Variants in FAM169A observed in about 807,000 individuals in gnomAD.
The protein encoded by FAM169A is family with sequence similarity 169 member A, also known as soluble lamin-associated protein of 75 kDa.
FAM169A carries 24 observed loss-of-function variants against 75.7 expected under a neutral mutation model. The observed-to-expected ratio is 0.32, with a 90% CI of 0.23 to 0.45. FAM169A has a LOEUF of 0.45. Among genes scored for constraint, FAM169A ranks in the 20% least tolerant of loss-of-function variants. FAM169A has a pLI of 1.00. For synonymous variants in FAM169A, 271 were observed against 271.0 expected (o/e 1.00, Z 0.00); for missense variants, 673 against 784.0 (o/e 0.86, Z 1.69).
chr5:74,847,075 A>C (rs1749192941), intron 1 of FAM169A, among the ~76,000 whole-genome samples: 1 of 152,206 alleles, frequency 6.6e-6, no homozygotes, highest in African/African-American at 2.4e-5. Flanking sequence ...CAATTCACTT[A>C]AAATAACAAA....
At chr5:74,860,613 T>TCTACCCA (rs1276234976) in intron 1 of FAM169A, among the ~76,000 whole-genome samples, 3 of 152,072 alleles carry the variant, frequency 2.0e-5, no homozygotes, top group Admixed American at 6.5e-5. Context: ...TCTAGGCCAA[T>TCTACCCA]AATACAGATT....
intron 6 of FAM169A, among the ~76,000 whole-genome samples, chr5:74,808,621 T>G (rs1434411057): frequency 1.3e-5 from 2 of 152,168 alleles, no homozygotes; most frequent in African/African-American, 4.8e-5. Context: ...AATAAGGTAT[T>G]ATGTATAATT....
intron 1 of FAM169A, among the ~76,000 whole-genome samples, chr5:74,861,981 G>C (rs1267477009): frequency 2.6e-5 from 4 of 152,084 alleles, no homozygotes; most frequent in African/African-American, 9.7e-5. Flanking sequence ...ACAGAGCCCT[G>C]GTGCCCTGAC....
chr5:74,844,119 T>C (rs1432421487), intron 1 of FAM169A, among the ~76,000 whole-genome samples: 4 of 152,162 alleles, frequency 2.6e-5, no homozygotes, highest in African/African-American at 4.8e-5. Flanking sequence ...AAGAGACATG[T>C]CAATGCACTG....
At chr5:74,857,949 A>G (rs577142924) in intron 1 of FAM169A, among the ~76,000 whole-genome samples, 1 of 152,306 alleles carries the variant, frequency 6.6e-6, no homozygotes, top group East Asian at 1.9e-4. Flanking sequence ...AGTATTCTCC[A>G]AACAAAATTT....
chr5:74,821,375 T>G (rs559096469), intron 5 of FAM169A, among the ~76,000 whole-genome samples: 12 of 152,314 alleles, frequency 7.9e-5, no homozygotes, highest in African/African-American at 2.6e-4. Flanking sequence ...AGCAGCTGCT[T>G]CTTCTCATAG....
At chr5:74,819,322 C>T (rs1364830865) in intron 5 of FAM169A, among the ~76,000 whole-genome samples, 1 of 152,004 alleles carries the variant, frequency 6.6e-6, no homozygotes, top group African/African-American at 2.4e-5. Context: ...TCTTAGCCAC[C>T]AGGAAAATGC....
At chr5:74,784,684 C>T (rs917500664) in intron 11 of FAM169A, among the ~76,000 whole-genome samples, 11 of 147,162 alleles carry the variant, frequency 7.5e-5, no homozygotes, top group South Asian at 4.3e-4. Flanking sequence ...TTTGGGAGGC[C>T]GAGGCGGGCG....
At chr5:74,856,181 A>T (rs1383708372) in intron 1 of FAM169A, among the ~76,000 whole-genome samples, 1 of 152,126 alleles carries the variant, frequency 6.6e-6, no homozygotes, top group Non-Finnish European at 1.5e-5. Context: ...TTTGATTATT[A>T]CAGCTCTGTA....
intron 5 of FAM169A, among the ~76,000 whole-genome samples, chr5:74,828,582 T>C (rs1031044963): frequency 6.6e-6 from 1 of 152,190 alleles, no homozygotes; most frequent in Non-Finnish European, 1.5e-5. Flanking sequence ...GAAGGAACTT[T>C]CAGCCAATCC....
chr5:74,782,096 C>A (rs1745441675), intron 12 of FAM169A, 88 bp from the exon 13 acceptor site: 3 of 1,010,546 alleles, frequency 3.0e-6, no homozygotes, highest in Non-Finnish European at 4.3e-6. Flanking sequence ...TGACACTGAA[C>A]TAGAATTTAA....
Position 74,841,604 on chromosome 5 carries a change from A to C in FAM169A, c.73T>G (p.Ser25Ala), listed in dbSNP as rs756728145. ...ELENSAEDYM[S>A]DLRCGDPENP... ...TCAGGGTCCCCACACCTTAAATCTG[A>C]CATGTAATCTTCAGCAGAATTTTCC... The change falls in exon 2 of 13, where the codon TCA (serine) becomes GCA (alanine). Residue 25 changes from serine (S) to alanine (A), a missense_variant. Around this residue, in one of 3 missense-constraint regions of FAM169A, gnomAD observed 56 missense variants for 52.2 expected, o/e 1.07. Transcript: ENST00000687041. 1 of 1,613,180 alleles carries C rather than the reference A, an allele frequency of 6.2e-7. No individual in the cohort carries two copies. The highest frequency in any genetic ancestry group is 8.5e-7 in the Non-Finnish European group (1 of 1,179,296).
Position 74,861,955 on chromosome 5 carries a change from T to C in FAM169A, c.-4+4210A>G, listed in dbSNP as rs545723708. Among the ~76,000 whole-genome samples, 4 of 152,328 alleles carry C rather than the reference T, an allele frequency of 2.6e-5. No homozygotes were observed. The South Asian group carries it at 6.2e-4, about 24-fold the overall frequency. On this transcript the variant is annotated intron_variant, in intron 1 of 12. Transcript: ENST00000687041. ...CCAAGCCTAAGTAACTATCCCTCAT[T>C]TATACAACCATGGCAACAGAGCCCT... is the stretch of plus-strand genomic sequence containing the variant.
At chr5:74,799,321 A>C (rs184846076) in intron 10 of FAM169A, 1 of 1,603,730 alleles carries the variant, frequency 6.2e-7, no homozygotes, top group East Asian at 2.2e-5. Context: ...CCTAGAGAAC[A>C]AATTTGCTGT....
At chr5:74,836,063 T>C (rs1244191767) in intron 4 of FAM169A, among the ~76,000 whole-genome samples, 5 of 152,190 alleles carry the variant, frequency 3.3e-5, no homozygotes, top group Non-Finnish European at 5.9e-5. Context: ...TCCAGATCCA[T>C]AACATCTCTC....
intron 1 of FAM169A, among the ~76,000 whole-genome samples, chr5:74,853,728 G>C (rs904281315): frequency 2.0e-5 from 2 of 99,078 alleles, no homozygotes; most frequent in African/African-American, 8.4e-5. Flanking sequence ...TTTTTTTTGA[G>C]ACAGAGTCTT....
intron 5 of FAM169A, among the ~76,000 whole-genome samples, chr5:74,825,430 C>T (rs1348146161): frequency 1.3e-5 from 2 of 152,168 alleles, no homozygotes; most frequent in African/African-American, 4.8e-5. Context: ...TAAAATTTAA[C>T]TTCAACAGCC....
In FAM169A at chr5:74,804,718, G is replaced by A. The variant is rs557988174; in HGVS notation, c.800-113C>T. ...AGAGCAGCCTGGACAGAAGGGTCAC[G>A]AAAATCTAGGTGTGAGATGTTCTCT... On this transcript the variant is annotated intron_variant, in intron 7 of 12. Coordinates refer to ENST00000687041, the MANE Select transcript of FAM169A (RefSeq NM_001376049.1). 4.9e-5 allele frequency: 27 copies of A among 549,566 alleles called. No individual in the cohort carries two copies. The East Asian group carries it at 5.0e-4, about 10-fold the overall frequency. 34.0% of individuals were successfully genotyped at this position (549,566 alleles called of 1,614,324 possible).
At chr5:74,807,574 T>C (rs1339071884) in intron 6 of FAM169A, among the ~76,000 whole-genome samples, 2 of 152,210 alleles carry the variant, frequency 1.3e-5, no homozygotes, top group Non-Finnish European at 2.9e-5. Context: ...TTTGTACATA[T>C]GCAAAAAACA....
Sources: allele counts gnomAD v4.1 joint callset (sites outside exome capture counted in the v4.1 genomes callset), GRCh38; gene constraint gnomAD v4.1.1; regional missense constraint gnomAD v4.1.1; transcripts MANE v1.5; gene names NCBI Gene and HGNC (gene_info 2026-07-23, HGNC 2026-07-21).